Variants in SBNO2 observed in about 807,000 individuals in gnomAD.
SBNO2 encodes protein strawberry notch homolog 2.
In SBNO2, 89 loss-of-function variants were observed where a neutral mutation model predicts 146.3. That is an observed-to-expected ratio of 0.61 (90% CI 0.51 to 0.73). SBNO2 has a LOEUF of 0.73. Among genes scored for constraint, SBNO2 ranks in the 30% least tolerant of loss-of-function variants. SBNO2 has a pLI of 0.00. For synonymous variants in SBNO2, 1,147 were observed against 892.6 expected (o/e 1.29, Z -5.08); for missense variants, 2,092 against 2,003.7 (o/e 1.04, Z -0.84).
Position 1,127,086 on chromosome 19 carries a change from G to C in SBNO2, c.441+518C>G, listed in dbSNP as rs201404137. Among the ~76,000 whole-genome samples the C allele has an allele frequency of 5.3e-5, 8 of 152,306 alleles. No homozygotes were observed. The East Asian group carries it at 1.5e-3, about 29-fold the overall frequency. ...CTCGCCCTCTCAGCTCCCCACTAGC[G>C]GGGACACGGCCACTGCTGACCCAGG... On this transcript the variant is annotated intron_variant, in intron 5 of 31. Transcript: ENST00000361757.
intron 14 of SBNO2, among the ~76,000 whole-genome samples, chr19:1,118,044 C>T (rs960999708): frequency 2.0e-5 from 3 of 152,178 alleles, no homozygotes; most frequent in Non-Finnish European, 2.9e-5. Context: ...CCTAAAGAAA[C>T]GAGTGAAGAG....
chr19:1,120,154 A>C, intron 11 of SBNO2, 131 bp from the exon 12 acceptor site: 1 of 720,598 alleles, frequency 1.4e-6, no homozygotes, highest in Non-Finnish European at 2.3e-6. Context: ...TCCACGAGGG[A>C]AGCCCAGGTC....
rs1193014878 is a variant in SBNO2 at position 1,149,360 on chromosome 19, G to A, written c.167+9C>T. 2.5e-5 allele frequency: 38 copies of A among 1,550,688 alleles called. No homozygotes were observed. Among genetic ancestry groups the A allele is most frequent in the African/African-American group, 2.7e-5 (2 of 73,048 alleles). ...CTGGGGGCCAGGCGGGGAGGGTCCCGGTACTCACCGGCTGTCGCTGGAGAA... is the reference window on the plus strand; with the variant it reads ...CTGGGGGCCAGGCGGGGAGGGTCCCAGTACTCACCGGCTGTCGCTGGAGAA... On this transcript the variant is annotated intron_variant, in intron 3 of 31. Transcript: ENST00000361757.
At chr19:1,131,570 G>C (rs2080028742) in intron 4 of SBNO2, among the ~76,000 whole-genome samples, 1 of 152,178 alleles carries the variant, frequency 6.6e-6, no homozygotes, top group Non-Finnish European at 1.5e-5. Context: ...AGGACCCATG[G>C]GGAGCCACAG....
chr19:1,125,231 C>T (rs994739566), intron 5 of SBNO2, among the ~76,000 whole-genome samples: 1 of 150,642 alleles, frequency 6.6e-6, no homozygotes, highest in Non-Finnish European at 1.5e-5. Context: ...TGGTGGTGGG[C>T]GCCTGTAATC....
intron 1 of SBNO2, among the ~76,000 whole-genome samples, chr19:1,165,576 A>T (rs1404541775): frequency 7.2e-5 from 11 of 152,078 alleles, no homozygotes; most frequent in Admixed American, 7.2e-4. Flanking sequence ...CTGGGGAACC[A>T]GACCCCAGAT....
intron 4 of SBNO2, among the ~76,000 whole-genome samples, chr19:1,135,531 G>A (rs1327830229): frequency 4.6e-5 from 7 of 152,204 alleles, no homozygotes; most frequent in Non-Finnish European, 8.8e-5. Context: ...ATAGGGGTGC[G>A]CCGCCTAGGG....
chr19:1,156,898 C>A (rs570546785), intron 1 of SBNO2, among the ~76,000 whole-genome samples: 10 of 151,782 alleles, frequency 6.6e-5, no homozygotes, highest in Non-Finnish European at 1.3e-4. Context: ...TGTGCCCACT[C>A]CTGAGAACGC....
In SBNO2 at chr19:1,144,923, GAGAGAC is replaced by G. The variant is rs1414179151; in HGVS notation, c.279+2380_279+2385del. Among the ~76,000 whole-genome samples the G allele has an allele frequency of 3.3e-5, 5 of 149,326 alleles. No individual in the cohort carries two copies. The highest frequency in any genetic ancestry group is 7.5e-5 in the African/African-American group (3 of 39,936). On this transcript the variant is annotated intron_variant, in intron 4 of 31. Transcript: ENST00000361757. This position sits in a 1 kb window ranked among gnomAD's most constrained non-coding sequence, Gnocchi z 4.1. ...AGAGGCGGAGATGGAGACAGAGACAGAGAGACAGAGACAGAGAGGGAGACAGAGACA... is the reference window on the plus strand; with the variant it reads ...AGAGGCGGAGATGGAGACAGAGACAGAGAGACAGAGAGGGAGACAGAGACA...
At chr19:1,117,286 C>CGGCCGCCTTCG in intron 15 of SBNO2, 37 bp downstream of exon 15, 3 of 1,532,648 alleles carry the variant, frequency 2.0e-6, no homozygotes, top group Non-Finnish European at 2.6e-6. Flanking sequence ...CCTGCAGGCC[C>CGGCCGCCTTCG]GGCCGCCCTC....
At chr19:1,132,297 C>T (rs2145256126) in intron 4 of SBNO2, 1 of 1,312,108 alleles carries the variant, frequency 7.6e-7, no homozygotes, top group Non-Finnish European at 9.7e-7. Context: ...GCCGCCGGCG[C>T]CTACTTCCTC....
At chr19:1,132,395 C>T (rs2080041291) in intron 4 of SBNO2, 4 of 667,430 alleles carry the variant, frequency 6.0e-6, no homozygotes, top group African/African-American at 2.0e-5. Flanking sequence ...CTGTACGGGG[C>T]GGATCTCCCA....
chr19:1,156,251 C>T (rs1048660732), intron 1 of SBNO2, among the ~76,000 whole-genome samples: 5 of 152,146 alleles, frequency 3.3e-5, no homozygotes, highest in Admixed American at 6.5e-5. Context: ...AGGCGGCAAC[C>T]CCAGGAGGCT....
intron 11 of SBNO2, 126 bp from the exon 12 acceptor site, chr19:1,120,149 G>A (rs1420477895): frequency 2.7e-5 from 20 of 744,108 alleles, no homozygotes; most frequent in Non-Finnish European, 3.7e-5. Context: ...AGAACTCCAC[G>A]AGGGAAGCCC....
At position 1,158,495 on chromosome 19, in the gene SBNO2, C is replaced by T. The variant is rs1599876198; in HGVS notation, c.-126-4093G>A. 1.3e-5 allele frequency among the ~76,000 whole-genome samples: 2 copies of T among 152,124 alleles called. No individual in the cohort carries two copies. The highest frequency in any genetic ancestry group is 2.9e-5 in the Non-Finnish European group (2 of 68,008). On this transcript the variant is annotated intron_variant, in intron 1 of 31. Transcript: ENST00000361757. The surrounding 1 kb of genome is among the most constrained non-coding windows in gnomAD (Gnocchi z 9.9). ...GGCCGCAGAGCCATAACCGAGACCA[C>T]GGGAGGACCCAGGGCGCACGGCACA...
rs370902880 is a variant in SBNO2, at chr19:1,123,616, T to C, written c.546A>G (p.Pro182=). 6 of 1,612,946 alleles carry C rather than the reference T, an allele frequency of 3.7e-6. No homozygotes were observed. The African/African-American group carries it at 8.0e-5, about 22-fold the overall frequency. The change falls in exon 7 of 32, where the codon CCA becomes CCG. Residue 182 remains proline (P), a synonymous_variant. Coordinates refer to ENST00000361757, the MANE Select transcript of SBNO2 (RefSeq NM_014963.3). The stretch of plus-strand genomic sequence containing the variant: ...CCTCCTCAGCCTCGTCCTCCTCCTC[T>C]GGCTGGCTCTGCACACTCTGCTCCT... ...SYQEQSVQSQ[P]EEEDEAEEEE...
intron 1 of SBNO2, among the ~76,000 whole-genome samples, chr19:1,161,689 C>A (rs1344251620): frequency 6.6e-6 from 1 of 152,080 alleles, no homozygotes; most frequent in East Asian, 1.9e-4. Context: ...TCATACTACG[C>A]TTTCTACCTC....
Position 1,117,449 on chromosome 19 carries a change from C to T in SBNO2, c.1578G>A (p.Leu526=), listed in dbSNP as rs1383302587. The T allele has an allele frequency of 3.1e-6, 5 of 1,588,790 alleles. No homozygotes were observed. The Admixed American group carries it at 5.3e-5, about 17-fold the overall frequency. Reference sequence around the variant, plus strand: ...GGCCCCACAGGGACTTGCGCGACTCCAGGCCGATCCAGTCGGCCGCCTGCT... The same window carrying T: ...GGCCCCACAGGGACTTGCGCGACTCTAGGCCGATCCAGTCGGCCGCCTGCT... The part of the protein sequence containing the change: ...VFQQAADWIG[L]ESRKSLWGQF... The change falls in exon 15 of 32, where the codon CTG becomes CTA. Residue 526 remains leucine, a synonymous_variant. Coordinates refer to ENST00000361757, the MANE Select transcript of SBNO2 (RefSeq NM_014963.3).
chr19:1,172,483 G>A (rs983116066), intron 1 of SBNO2, among the ~76,000 whole-genome samples: 1 of 152,152 alleles, frequency 6.6e-6, no homozygotes, highest in Non-Finnish European at 1.5e-5. Flanking sequence ...GGCACCTGCT[G>A]GGCCTGCCAC....
Sources: gnomAD v4.1 joint callset for allele counts (sites outside exome capture counted in the v4.1 genomes callset) on GRCh38, gnomAD v4.1.1 for gene constraint, Gnocchi (gnomAD v3.1) non-coding constraint, MANE v1.5 for transcripts, NCBI Gene and HGNC (gene_info 2026-07-23, HGNC 2026-07-21) for gene names.